RPS6KC1: variants seen among roughly 807,000 people sequenced by gnomAD.
The protein encoded by RPS6KC1 is inactive ribosomal protein S6 kinase delta-1.
Under a neutral mutation model 103.8 loss-of-function variants are expected in RPS6KC1, and 54 were observed. That is an observed-to-expected ratio of 0.52 (90% CI 0.42 to 0.65). The LOEUF is 0.65. Among genes scored for constraint, RPS6KC1 ranks in the 30% least tolerant of loss-of-function variants. RPS6KC1 has a pLI of 0.00. For synonymous variants in RPS6KC1, 439 were observed against 438.7 expected, an observed-to-expected ratio of 1.00 and a Z score of -0.01; for missense variants, 1,151 against 1,253.8, an observed-to-expected ratio of 0.92 and a Z score of 1.24.
the RPS6KC1 span, among the ~76,000 whole-genome samples, chr1:213,500,701 G>A: frequency 6.6e-6 from 1 of 152,236 alleles, no homozygotes; most frequent in South Asian, 2.1e-4. Context: ...TACTCTTACA[G>A]GGCCACTGTT....
chr1:213,799,227 T>C, the RPS6KC1 span, among the ~76,000 whole-genome samples: 2 of 152,244 alleles, frequency 1.3e-5, no homozygotes, highest in African/African-American at 4.8e-5. Flanking sequence ...AATTTATTTA[T>C]CTAGCAGAGC....
the RPS6KC1 span, among the ~76,000 whole-genome samples, chr1:213,290,167 A>AAT: frequency 6.6e-6 from 1 of 151,618 alleles, no homozygotes; most frequent in Non-Finnish European, 1.5e-5. Flanking sequence ...AAAAAAAAAA[A>AAT]AGAATCAATC....
At chr1:213,476,257 C>T in the RPS6KC1 span, among the ~76,000 whole-genome samples, 3 of 152,178 alleles carry the variant, frequency 2.0e-5, no homozygotes, top group Admixed American at 6.5e-5. Context: ...GGTCACATGA[C>T]GTGCTGGCTG....
At chr1:213,336,854 G>C in the RPS6KC1 span, among the ~76,000 whole-genome samples, 1 of 152,068 alleles carries the variant, frequency 6.6e-6, no homozygotes, top group Non-Finnish European at 1.5e-5. Flanking sequence ...GACTTTTCTT[G>C]CATTACACAA....
intron 8 of RPS6KC1, 55 bp downstream of exon 8, chr1:213,176,547 A>C (rs1003628935): frequency 8.4e-7 from 1 of 1,188,870 alleles, no homozygotes; most frequent in Admixed American, 1.7e-5. Context: ...GCATGCTGAC[A>C]TTCTGTCTTT....
At chr1:213,622,369 A>C in the RPS6KC1 span, among the ~76,000 whole-genome samples, 1 of 151,982 alleles carries the variant, frequency 6.6e-6, no homozygotes, top group Non-Finnish European at 1.5e-5. Flanking sequence ...TGAGAATGCA[A>C]GTTGCAGCCT....
At chr1:213,309,863 T>G in the RPS6KC1 span, among the ~76,000 whole-genome samples, 1 of 152,318 alleles carries the variant, frequency 6.6e-6, no homozygotes, top group Admixed American at 6.5e-5. Flanking sequence ...TTTTGTATTT[T>G]TAGTGGAGAC....
the RPS6KC1 span, among the ~76,000 whole-genome samples, chr1:213,709,608 T>A: frequency 4.6e-5 from 7 of 151,820 alleles, no homozygotes; most frequent in African/African-American, 1.4e-4. Flanking sequence ...TATTTGTGAT[T>A]TTAGGGTGTC....
the RPS6KC1 span, among the ~76,000 whole-genome samples, chr1:213,550,508 G>T: frequency 6.6e-6 from 1 of 151,854 alleles, no homozygotes; most frequent in Non-Finnish European, 1.5e-5. Flanking sequence ...AGCTTGCCTC[G>T]CCACTCTGTA....
At chr1:213,516,517 T>C in the RPS6KC1 span, among the ~76,000 whole-genome samples, 1 of 151,858 alleles carries the variant, frequency 6.6e-6, no homozygotes, top group Non-Finnish European at 1.5e-5. Context: ...GTTCTGTTTA[T>C]ATGCTGGATT....
chr1:213,315,405 A>G, the RPS6KC1 span, among the ~76,000 whole-genome samples: 1 of 152,360 alleles, frequency 6.6e-6, no homozygotes, highest in East Asian at 1.9e-4. Context: ...ATTATATCAT[A>G]AAGCCAAACA....
intron 7 of RPS6KC1, among the ~76,000 whole-genome samples, chr1:213,174,133 G>A (rs2091684600): frequency 6.6e-6 from 1 of 152,144 alleles, no homozygotes; most frequent in South Asian, 2.1e-4. Context: ...GCAAGAGGCA[G>A]CAGCAGAAAA....
At chr1:213,225,581 G>A (rs2093941597) in intron 8 of RPS6KC1, among the ~76,000 whole-genome samples, 1 of 152,064 alleles carries the variant, frequency 6.6e-6, no homozygotes, top group African/African-American at 2.4e-5. Context: ...TAGAGACGAG[G>A]TTTCACCACG....
the RPS6KC1 span, among the ~76,000 whole-genome samples, chr1:213,649,350 C>A: frequency 2.0e-5 from 3 of 152,032 alleles, no homozygotes; most frequent in Non-Finnish European, 2.9e-5. Context: ...CTGAAGAGTC[C>A]ACACTCACCT....
In RPS6KC1 at chr1:213,255,253, G is replaced by A. The variant is rs148872169; in HGVS notation, c.2912-6305G>A. Among the ~76,000 whole-genome samples the A allele has an allele frequency of 5.6e-3, 854 of 151,806 alleles. 8 individuals are homozygous for A. The highest frequency in any genetic ancestry group is 0.017 in the African/African-American group (711 of 41,380). On this transcript the variant is annotated intron_variant, in intron 12 of 14. Coordinates refer to ENST00000366960, the MANE Select transcript of RPS6KC1 (RefSeq NM_012424.6). ...AGATGGGAGGATTGCTTGAGCCCAG[G>A]AGGTCGAGGCTGCAGTGAGTCATCA...
the RPS6KC1 span, among the ~76,000 whole-genome samples, chr1:213,333,339 C>T: frequency 1.3e-3 from 193 of 152,248 alleles, 4 homozygotes; most frequent in Admixed American, 0.011. Flanking sequence ...GAATGGAATG[C>T]GTGTCATGAG....
At chr1:213,431,067 A>G in the RPS6KC1 span, among the ~76,000 whole-genome samples, 1 of 152,152 alleles carries the variant, frequency 6.6e-6, no homozygotes, top group Non-Finnish European at 1.5e-5. Flanking sequence ...ATTAGGTGTA[A>G]AGCCAGGAAA....
the RPS6KC1 span, among the ~76,000 whole-genome samples, chr1:213,554,379 A>G: frequency 1.3e-5 from 2 of 152,064 alleles, no homozygotes; most frequent in East Asian, 1.9e-4. Flanking sequence ...ATTGGTCTAT[A>G]TATCTGCTTT....
At chr1:213,440,694 AG>A in the RPS6KC1 span, among the ~76,000 whole-genome samples, 4 of 151,000 alleles carry the variant, frequency 2.6e-5, 1 homozygote, top group South Asian at 8.5e-4. Context: ...GGAAAAGGTG[AG>A]ATTTGAGTTG....
Sources: gnomAD v4.1 joint callset for allele counts (sites outside exome capture counted in the v4.1 genomes callset) on GRCh38, gnomAD v4.1.1 for gene constraint, MANE v1.5 for transcripts, NCBI Gene and HGNC (gene_info 2026-07-23, HGNC 2026-07-21) for gene names.